C1orf116: variants seen among roughly 807,000 people sequenced by gnomAD.
C1orf116 encodes the protein chromosome 1 open reading frame 116.
Under a neutral mutation model 14.1 loss-of-function variants are expected in C1orf116, and 12 were observed. The observed-to-expected ratio is 0.85, with a 90% CI of 0.54 to 1.38. C1orf116 has a LOEUF of 1.38. Among genes scored for constraint, C1orf116 ranks in the 40% most tolerant of loss-of-function variants. The pLI is 0.00. For missense variants in C1orf116, 797 were observed against 747.0 expected, an observed-to-expected ratio of 1.07 and a Z score of -0.78; for synonymous variants, 296 against 299.0, an observed-to-expected ratio of 0.99 and a Z score of 0.10.
rs1227097233 is a variant in C1orf116 at position 207,020,148 on chromosome 1, T to C, written c.*1810A>G. On this transcript the variant is annotated 3_prime_UTR_variant, in exon 4 of 4. Coordinates refer to ENST00000359470, the MANE Select transcript of C1orf116 (RefSeq NM_023938.6). ...TAATAAGACATAACTTGGCCGGTTG[T>C]GGGAGTCCTCATCAGCCGTGACAGA... 6.6e-6 allele frequency: 1 copy of C among 152,124 alleles called. No homozygotes were observed. Among genetic ancestry groups the C allele is most frequent in the Non-Finnish European group, 1.5e-5 (1 of 68,036 alleles). The allele number at this position is 152,124 out of a possible 1,614,324, so 9.4% of individuals were successfully genotyped here. A position where few individuals can be genotyped will look rare whatever the true frequency, so the allele number is the denominator to read the frequency against.
At chr1:207,031,323 A>G (rs1682238251) in intron 1 of C1orf116, among the ~76,000 whole-genome samples, 1 of 152,204 alleles carries the variant, frequency 6.6e-6, no homozygotes, top group Non-Finnish European at 1.5e-5. Context: ...GAGCAGGTAG[A>G]AATACCCTCT....
chr1:207,031,390 T>C (rs1175831569), intron 1 of C1orf116, among the ~76,000 whole-genome samples: 1 of 152,170 alleles, frequency 6.6e-6, no homozygotes, highest in Non-Finnish European at 1.5e-5. Context: ...ATTCACCATC[T>C]AGGGCAGCCC....
Position 207,021,731 on chromosome 1 carries a change from C to T in C1orf116, c.*227G>A. On this transcript the variant is annotated 3_prime_UTR_variant, in exon 4 of 4. Coordinates refer to ENST00000359470, the MANE Select transcript of C1orf116 (RefSeq NM_023938.6). ...AGTGATGTATCCAGCGGCCCCCCCT[C>T]CACACACACACCAAACACACACACA... 1 of 415,980 alleles carries T rather than the reference C, an allele frequency of 2.4e-6. No homozygotes were observed. Among genetic ancestry groups the T allele is most frequent in the Non-Finnish European group, 4.2e-6 (1 of 237,630 alleles). 25.8% of individuals were successfully genotyped at this position (415,980 alleles called of 1,614,324 possible). A position where few individuals can be genotyped will look rare whatever the true frequency, so the allele number is the denominator to read the frequency against.
chr1:207,023,502 T>C, intron 3 of C1orf116, 22 bp from the exon 4 acceptor site: 3 of 1,572,422 alleles, frequency 1.9e-6, no homozygotes, highest in Non-Finnish European at 2.6e-6. Flanking sequence ...AGAAAGAACA[T>C]AAAAGAGTGG....
rs2102298273 is a variant in C1orf116 at position 207,022,958 on chromosome 1, A to T, written c.806T>A (p.Leu269Ter). Residue 269 changes from leucine (L) to a stop codon, truncating the protein, a stop_gained, in exon 4 of 4, where the codon TTG becomes TAG. Transcript: ENST00000359470. LOFTEE classifies it low-confidence loss of function (END_TRUNC). ...YTQPQPPPAG[L>*]PQNARAEDAP... Reference sequence around the variant, plus strand: ...ATCTTCAGCTCTTGCATTCTGAGGCAACCCTGCAGGAGGAGGCTGGGGTTG... The same window carrying T: ...ATCTTCAGCTCTTGCATTCTGAGGCTACCCTGCAGGAGGAGGCTGGGGTTG... 1 of 1,614,144 alleles carries T rather than the reference A, an allele frequency of 6.2e-7. No individual in the cohort carries two copies. The highest frequency in any genetic ancestry group is 1.1e-5 in the South Asian group (1 of 91,078).
At position 207,023,703 on chromosome 1, in the gene C1orf116, G is replaced by A. The variant is rs141454288; in HGVS notation, c.284-223C>T. ...AGTAATAGCAGATCCAGGGCCAGGC[G>A]CAGTGTCTCATGCCTGTAATCCCAG... On this transcript the variant is annotated intron_variant, in intron 3 of 3. Transcript: ENST00000359470. Among the ~76,000 whole-genome samples the A allele has an allele frequency of 1.3e-3, 203 of 152,294 alleles. 2 individuals carry two copies. Among genetic ancestry groups the A allele is most frequent in the African/African-American group, 4.4e-3 (184 of 41,550 alleles).
intron 1 of C1orf116, among the ~76,000 whole-genome samples, chr1:207,031,218 G>A (rs2842729): frequency 0.11 from 17,107 of 152,238 alleles, 3,146 homozygotes; most frequent in African/African-American, 0.38. Context: ...AACTTGCACA[G>A]TTTGCATATC....
intron 1 of C1orf116, among the ~76,000 whole-genome samples, chr1:207,030,876 T>G (rs1449595810): frequency 6.6e-6 from 1 of 152,166 alleles, no homozygotes; most frequent in African/African-American, 2.4e-5. Flanking sequence ...CATTAAATAT[T>G]AACTACACCA....
Position 207,027,991 on chromosome 1 carries a change from GCGT to G in C1orf116, c.-81-315_-81-313del, listed in dbSNP as rs1682136000. ...TTACTATAAGCAATAAATATTACAGGCGTCAATACCTTGGGTTCTGGAGTTAGT... is the reference window on the plus strand; with the variant it reads ...TTACTATAAGCAATAAATATTACAGGCAATACCTTGGGTTCTGGAGTTAGT... On this transcript the variant is annotated intron_variant, in intron 1 of 3. Transcript: ENST00000359470. Among the ~76,000 whole-genome samples the G allele has an allele frequency of 3.9e-5, 6 of 152,326 alleles. 1 individual carries two copies. In the South Asian group the frequency reaches 1.2e-3, roughly 32 times the overall value.
chr1:207,023,880 C>T (rs1373834010), intron 3 of C1orf116, among the ~76,000 whole-genome samples: 9 of 152,148 alleles, frequency 5.9e-5, no homozygotes, highest in African/African-American at 2.2e-4. Flanking sequence ...AAGAGAGTGA[C>T]CCCTGATTGC....
chr1:207,032,157 A>G (rs111772807), intron 1 of C1orf116, among the ~76,000 whole-genome samples: 2,465 of 152,320 alleles, frequency 0.016, 63 homozygotes, highest in African/African-American at 0.055. Flanking sequence ...TGGTAAAGCC[A>G]CGGGAGAATT....
intron 2 of C1orf116, 147 bp downstream of exon 2, chr1:207,027,347 G>A (rs1049340898): frequency 1.2e-5 from 12 of 1,015,126 alleles, no homozygotes; most frequent in Non-Finnish European, 1.7e-5. Flanking sequence ...CAGGCAGAAA[G>A]CACCCACTGG....
chr1:207,029,123 C>A (rs1682170764), intron 1 of C1orf116, among the ~76,000 whole-genome samples: 1 of 151,926 alleles, frequency 6.6e-6, no homozygotes, highest in African/African-American at 2.4e-5. Context: ...ATAGAGCTGG[C>A]AAGTATGGAG....
intron 2 of C1orf116, among the ~76,000 whole-genome samples, chr1:207,025,713 TC>T (rs1682057433): frequency 6.6e-6 from 1 of 152,224 alleles, no homozygotes; most frequent in South Asian, 2.1e-4. Context: ...CGGGAATTTT[TC>T]CCCTTGTACA....
rs746347362 is a variant in C1orf116, at chr1:207,024,875, G to T, written c.283+12C>A. 1.6e-5 allele frequency: 25 copies of T among 1,606,316 alleles called. No homozygotes were observed. Among genetic ancestry groups the T allele is most frequent in the Non-Finnish European group, 2.1e-5 (25 of 1,173,632 alleles). On this transcript the variant is annotated intron_variant, in intron 3 of 3. Transcript: ENST00000359470. ...GTTTTGCTGGGGTTCCACCCCAGAGGGTCTGCCTTACCCCGGGGAGTGGGT... is the reference window on the plus strand; with the variant it reads ...GTTTTGCTGGGGTTCCACCCCAGAGTGTCTGCCTTACCCCGGGGAGTGGGT...
In C1orf116 at chr1:207,019,594, G is replaced by A. The variant is rs961044650; in HGVS notation, c.*2364C>T. 5.3e-5 allele frequency: 8 copies of A among 152,182 alleles called. No homozygotes were observed. Among genetic ancestry groups the A allele is most frequent in the African/African-American group, 1.9e-4 (8 of 41,444 alleles). The allele number at this position is 152,182 out of a possible 1,614,324, so 9.4% of individuals were successfully genotyped here. On this transcript the variant is annotated 3_prime_UTR_variant, in exon 4 of 4. Coordinates refer to ENST00000359470, the MANE Select transcript of C1orf116 (RefSeq NM_023938.6). ...TTTCAGGGAGGCGGATGTCCTCACT[G>A]GGCCCTCTTGCATCTCTTCAAAATG...
chr1:207,032,301 T>C (rs12123967), intron 1 of C1orf116, among the ~76,000 whole-genome samples: 1,609 of 152,364 alleles, frequency 0.011, 9 homozygotes, highest in Middle Eastern at 0.037. Flanking sequence ...AAATCTATTT[T>C]CTTTTTCTTG....
In C1orf116 at chr1:207,024,838, T is replaced by C. The variant is rs758697924; in HGVS notation, c.283+49A>G. 52 of 1,588,118 alleles carry C rather than the reference T, an allele frequency of 3.3e-5. 3 individuals are homozygous for C. The South Asian group carries it at 5.3e-4, about 16-fold the overall frequency. On this transcript the variant is annotated intron_variant, in intron 3 of 3. Coordinates refer to ENST00000359470, the MANE Select transcript of C1orf116 (RefSeq NM_023938.6). Reference sequence around the variant, plus strand: ...GTAGAAAGTGGCCGGAGGGGACATATTGATTTTCTGGGTTTTGCTGGGGTT... The same window carrying C: ...GTAGAAAGTGGCCGGAGGGGACATACTGATTTTCTGGGTTTTGCTGGGGTT...
At position 207,022,159 on chromosome 1, in the gene C1orf116, C is replaced by T. The variant is rs369651265; in HGVS notation, c.1605G>A (p.Thr535=). The change falls in exon 4 of 4, where the codon ACG becomes ACA. Residue 535 remains threonine, a synonymous_variant. Coordinates refer to ENST00000359470, the MANE Select transcript of C1orf116 (RefSeq NM_023938.6). ...NSRPRPASLG[T]GKDFAGIQVG... The stretch of plus-strand genomic sequence containing the variant: ...CCTGGATACCTGCAAAATCTTTCCC[C>T]GTGCCCAGGGAGGCCGGGCGGGGCC... The T allele has an allele frequency of 1.1e-3, 1,815 of 1,613,590 alleles. 33 individuals carry two copies. The South Asian group carries it at 0.018, about 16-fold the overall frequency.
Sources: gnomAD v4.1 joint callset for allele counts (sites outside exome capture counted in the v4.1 genomes callset) on GRCh38, gnomAD v4.1.1 for gene constraint, MANE v1.5 for transcripts, NCBI Gene and HGNC (gene_info 2026-07-23, HGNC 2026-07-21) for gene names.